PTPRD: variants seen among roughly 807,000 people sequenced by gnomAD.
The protein encoded by PTPRD is protein tyrosine phosphatase receptor type D.
In PTPRD, 34 loss-of-function variants were observed where a neutral mutation model predicts 214.5. The observed-to-expected ratio is 0.16, with a 90% CI of 0.12 to 0.21. PTPRD has a LOEUF of 0.21. PTPRD is among the 10% of genes least tolerant of loss of function. PTPRD has a pLI of 1.00. For synonymous variants in PTPRD, 1,128 were observed against 845.7 expected, an observed-to-expected ratio of 1.33 and a Z score of -5.79; for missense variants, 2,545 against 2,398.7, an observed-to-expected ratio of 1.06 and a Z score of -1.27.
At chr9:9,947,542 A>AT (rs2092895569) in intron 4 of PTPRD, among the ~76,000 whole-genome samples, 2 of 20,384 alleles carry the variant, frequency 9.8e-5, no homozygotes, top group Admixed American at 1.1e-3. Context: ...TTTATATATA[A>AT]TATATATATT....
At chr9:8,882,187 C>T (rs535624036) in intron 11 of PTPRD, among the ~76,000 whole-genome samples, 3 of 152,240 alleles carry the variant, frequency 2.0e-5, no homozygotes, top group African/African-American at 7.2e-5. Flanking sequence ...GAAATACTGT[C>T]GACTCATTGA....
chr9:10,553,317 A>C (rs1219055946), intron 2 of PTPRD, among the ~76,000 whole-genome samples: 1 of 152,022 alleles, frequency 6.6e-6, no homozygotes, highest in East Asian at 1.9e-4. Flanking sequence ...AGATGGGTCA[A>C]GTCATAGACT....
intron 4 of PTPRD, among the ~76,000 whole-genome samples, chr9:9,990,000 G>A (rs959745921): frequency 1.3e-5 from 2 of 152,128 alleles, no homozygotes; most frequent in African/African-American, 4.8e-5. Context: ...TCTCAACTGG[G>A]GGCTCTCCCA....
chr9:10,097,261 C>T (rs2098500219), intron 3 of PTPRD, among the ~76,000 whole-genome samples: 1 of 146,224 alleles, frequency 6.8e-6, no homozygotes, highest in Non-Finnish European at 1.5e-5. Flanking sequence ...GTAGTTTTTT[C>T]CAATTCTGTG....
chr9:9,140,331 A>G (rs997398070), intron 10 of PTPRD, among the ~76,000 whole-genome samples: 2 of 152,214 alleles, frequency 1.3e-5, no homozygotes, highest in Non-Finnish European at 2.9e-5. Context: ...AACCCTTGGT[A>G]TATGTGTACA....
chr9:8,743,853 C>G (rs925804110), intron 11 of PTPRD, among the ~76,000 whole-genome samples: 3 of 150,424 alleles, frequency 2.0e-5, no homozygotes, highest in Non-Finnish European at 4.4e-5. Context: ...AACAGACAAC[C>G]TACAGAGTGG....
At chr9:9,621,670 A>G (rs927200895) in intron 7 of PTPRD, among the ~76,000 whole-genome samples, 1 of 152,160 alleles carries the variant, frequency 6.6e-6, no homozygotes, top group African/African-American at 2.4e-5. Context: ...AAAGAAGACT[A>G]TAAGGTGCAA....
chr9:9,024,014 A>G (rs1405173579), intron 10 of PTPRD, among the ~76,000 whole-genome samples: 2 of 151,856 alleles, frequency 1.3e-5, no homozygotes, highest in Admixed American at 1.3e-4. Context: ...AAATAATTTA[A>G]TATAATCACC....
At chr9:8,862,787 G>A (rs534656159) in intron 11 of PTPRD, among the ~76,000 whole-genome samples, 1 of 152,148 alleles carries the variant, frequency 6.6e-6, no homozygotes, top group Non-Finnish European at 1.5e-5. Context: ...GATGAAATTG[G>A]AAACCATCAT....
chr9:8,685,673 T>C lies in PTPRD; in HGVS notation c.64+48107A>G, dbSNP rs151023859. Among the ~76,000 whole-genome samples, 518 of 152,202 alleles carry C rather than the reference T, an allele frequency of 3.4e-3. 4 individuals carry two copies. The highest frequency in any genetic ancestry group is 0.012 in the African/African-American group (503 of 41,518). On this transcript the variant is annotated intron_variant, in intron 12 of 45. Coordinates refer to ENST00000381196, the MANE Select transcript of PTPRD (RefSeq NM_002839.4). ...TAAATAGTGTACCAAACTAACACCA[T>C]AGAGAAATATACAGAATCAAAGGTG... is the stretch of plus-strand genomic sequence containing the variant.
At chr9:9,186,114 G>GA (rs1261727407) in intron 9 of PTPRD, among the ~76,000 whole-genome samples, 6 of 151,970 alleles carry the variant, frequency 3.9e-5, no homozygotes, top group African/African-American at 9.7e-5. Context: ...TGGAGATTGA[G>GA]AAAAAATAGA....
chr9:8,454,564 G>T, intron 33 of PTPRD: 2 of 1,612,874 alleles, frequency 1.2e-6, no homozygotes, highest in African/African-American at 1.3e-5. Flanking sequence ...AAAGGGGTTT[G>T]TTCTCTATTC....
chr9:8,390,438 G>A (rs867070671), intron 36 of PTPRD, among the ~76,000 whole-genome samples: 2 of 152,108 alleles, frequency 1.3e-5, no homozygotes, highest in South Asian at 2.1e-4. Flanking sequence ...AAAACACCCA[G>A]CCGCCATCCC....
intron 8 of PTPRD, among the ~76,000 whole-genome samples, chr9:9,518,736 G>A (rs1477884808): frequency 6.6e-6 from 1 of 151,912 alleles, no homozygotes. Flanking sequence ...CAGTTTAACA[G>A]AATGGACAAG....
intron 12 of PTPRD, among the ~76,000 whole-genome samples, chr9:8,651,359 T>C (rs1564993090): frequency 6.6e-6 from 1 of 152,056 alleles, no homozygotes; most frequent in Non-Finnish European, 1.5e-5. Context: ...AAGCAAGCAG[T>C]GATAATAATA....
At chr9:10,433,453 C>A (rs2098696492) in intron 2 of PTPRD, among the ~76,000 whole-genome samples, 2 of 151,928 alleles carry the variant, frequency 1.3e-5, no homozygotes, top group Admixed American at 1.3e-4. Flanking sequence ...ATCCTCATTG[C>A]TCAATTTCTG....
At chr9:8,517,313 C>T (rs950777689) in intron 21 of PTPRD, among the ~76,000 whole-genome samples, 12 of 152,074 alleles carry the variant, frequency 7.9e-5, no homozygotes, top group African/African-American at 2.2e-4. Flanking sequence ...TCTGAGATCT[C>T]GGTAACTGTC....
intron 14 of PTPRD, among the ~76,000 whole-genome samples, chr9:8,579,126 T>C (rs1231533152): frequency 2.6e-5 from 4 of 152,208 alleles, no homozygotes; most frequent in African/African-American, 9.6e-5. Flanking sequence ...AGAATAAGGA[T>C]ATTGCTATAG....
chr9:8,834,461 A>G (rs942619316), intron 11 of PTPRD, among the ~76,000 whole-genome samples: 2 of 152,112 alleles, frequency 1.3e-5, no homozygotes, highest in African/African-American at 4.8e-5. Flanking sequence ...AAATGTTATT[A>G]ACAACTACTT....
Sources: gnomAD v4.1 joint callset for allele counts (sites outside exome capture counted in the v4.1 genomes callset) on GRCh38, gnomAD v4.1.1 for gene constraint, MANE v1.5 for transcripts, NCBI Gene and HGNC (gene_info 2026-07-23, HGNC 2026-07-21) for gene names.